Variants in ANO10 observed in about 807,000 individuals in gnomAD.
ANO10 encodes the protein anoctamin-10.
Under a neutral mutation model 74.7 loss-of-function variants are expected in ANO10, and 77 were observed. The ratio of observed to expected loss-of-function variants is 1.03; its 90% CI spans 0.86 to 1.25. The LOEUF (loss-of-function observed/expected upper bound fraction) is 1.25, where lower values mean the gene tolerates loss of function less well. Among genes scored for constraint, ANO10 ranks in the 50% most tolerant of loss-of-function variants. The pLI, the probability that ANO10 is intolerant of heterozygous loss-of-function variation, is 0.00. For missense variants in ANO10, 721 were observed against 778.1 expected (o/e 0.93, Z 0.87); for synonymous variants, 279 against 284.9 (o/e 0.98, Z 0.21).
At chr3:43,484,954 C>A in intron 11 of ANO10, 1 of 1,129,862 alleles carries the variant, frequency 8.9e-7, no homozygotes, top group Admixed American at 2.5e-5. Flanking sequence ...GGGGCCCACC[C>A]AGGCAAGGGC....
chr3:43,606,136 T>C lies in ANO10; in HGVS notation c.-11-273A>G, dbSNP rs75808456. 0.018 allele frequency among the ~76,000 whole-genome samples: 2,730 copies of C among 152,262 alleles called. 72 individuals carry two copies. The highest frequency in any genetic ancestry group is 0.061 in the African/African-American group (2,522 of 41,556). ...GTAAATGAAGGATAACGATGTAAAA[T>C]GTGCTCTCACACAAGCGGAATAAGA... On this transcript the variant is annotated intron_variant, in intron 1 of 12. Transcript: ENST00000292246.
intron 11 of ANO10, among the ~76,000 whole-genome samples, chr3:43,501,607 C>T (rs1486688036): frequency 2.0e-5 from 3 of 152,054 alleles, no homozygotes; most frequent in Non-Finnish European, 4.4e-5. Context: ...TTGAAAGAGG[C>T]CAAAACACAT....
intron 11 of ANO10, among the ~76,000 whole-genome samples, chr3:43,507,579 A>G (rs1241790964): frequency 2.0e-5 from 3 of 152,112 alleles, no homozygotes; most frequent in African/African-American, 4.8e-5. Flanking sequence ...GGGACAAAAA[A>G]AAAAGGAAAC....
At chr3:43,530,827 A>C (rs1387835218) in intron 11 of ANO10, among the ~76,000 whole-genome samples, 1 of 152,198 alleles carries the variant, frequency 6.6e-6, no homozygotes, top group East Asian at 1.9e-4. Context: ...TGCTTCAGGC[A>C]TCCACTGGGA....
intron 4 of ANO10, among the ~76,000 whole-genome samples, chr3:43,582,982 A>C (rs1575480778): frequency 6.6e-6 from 1 of 152,304 alleles, no homozygotes; most frequent in East Asian, 1.9e-4. Flanking sequence ...AAATTACTAC[A>C]TCAAGTTTTT....
At position 43,632,349 on chromosome 3, in the gene ANO10, G is replaced by T. The variant is rs985463337; in HGVS notation, c.-11-26486C>A. Among the ~76,000 whole-genome samples the T allele has an allele frequency of 7.9e-5, 12 of 152,338 alleles. 1 individual carries two copies. Among genetic ancestry groups the T allele is most frequent in the East Asian group, 7.7e-4 (4 of 5,176 alleles). ...GGAGACTAGAGAGAGGTAAGAGAGT[G>T]AGGTCAGAGTATTTGTTCCTTGGCT... On this transcript the variant is annotated intron_variant, in intron 1 of 3. Coordinates refer to the ANO10 transcript ENST00000413397.
At chr3:43,399,048 G>A (rs531770227) in intron 12 of ANO10, among the ~76,000 whole-genome samples, 4 of 152,276 alleles carry the variant, frequency 2.6e-5, no homozygotes, top group African/African-American at 4.8e-5. Flanking sequence ...GGCTGGTCTC[G>A]AACTTCTGGG....
chr3:43,480,979 A>ATAATTGTATAATAATACAACTAC (rs2076247377), intron 11 of ANO10, among the ~76,000 whole-genome samples: 1 of 150,326 alleles, frequency 6.7e-6, no homozygotes, highest in African/African-American at 2.4e-5. Flanking sequence ...TTATTGTATA[A>ATAATTGTATAATAATACAACTAC]TAATTGTATA....
At chr3:43,659,853 G>C (rs1235160208) in intron 1 of ANO10, among the ~76,000 whole-genome samples, 4 of 152,148 alleles carry the variant, frequency 2.6e-5, no homozygotes, top group Non-Finnish European at 5.9e-5. Context: ...CATACAACCA[G>C]ATGCCCCTCT....
intron 11 of ANO10, among the ~76,000 whole-genome samples, chr3:43,532,607 T>C (rs1248900179): frequency 6.6e-6 from 1 of 152,206 alleles, no homozygotes; most frequent in Non-Finnish European, 1.5e-5. Flanking sequence ...TGTATTGTTT[T>C]ATGAATTTTA....
At chr3:43,665,999 G>A (rs529135807) in intron 1 of ANO10, among the ~76,000 whole-genome samples, 4 of 152,182 alleles carry the variant, frequency 2.6e-5, no homozygotes, top group East Asian at 1.9e-4. Flanking sequence ...GCTACAGAAC[G>A]TGCAGATGAC....
chr3:43,384,596 C>A (rs1473749280), intron 12 of ANO10, among the ~76,000 whole-genome samples: 3 of 152,122 alleles, frequency 2.0e-5, no homozygotes, highest in African/African-American at 4.8e-5. Flanking sequence ...TCAAATAGAA[C>A]ACAGAATCCA....
rs1341623638 is a variant in ANO10 at position 43,576,911 on chromosome 3, A to G, written c.943T>C (p.Tyr315His). The change falls in exon 6 of 13, where the codon TAC becomes CAC. Residue 315 changes from tyrosine to histidine, a missense_variant. By Grantham distance (83) the Tyr-to-His change is moderately conservative. Coordinates refer to ENST00000292246, the MANE Select transcript of ANO10 (RefSeq NM_018075.5). ...YPSYKRQLRI[Y>H]LVSLPFVCLC... Reference sequence around the variant, plus strand: ...CACACGAATGGCAGGGAGACCAGGTAAATGCGCAACTGTCTCTTGTAGCTG... The same window carrying G: ...CACACGAATGGCAGGGAGACCAGGTGAATGCGCAACTGTCTCTTGTAGCTG... 6.2e-7 allele frequency: 1 copy of G among 1,614,186 alleles called. No homozygotes were observed. The highest frequency in any genetic ancestry group is 2.2e-5 in the East Asian group (1 of 44,884).
At chr3:43,612,394 C>T (rs1032754748) in intron 1 of ANO10, among the ~76,000 whole-genome samples, 22 of 151,962 alleles carry the variant, frequency 1.4e-4, no homozygotes, top group Admixed American at 3.3e-4. Context: ...ACTAAACATA[C>T]ACTTCTCCCC....
At chr3:43,482,929 G>C (rs1291786121) in intron 11 of ANO10, among the ~76,000 whole-genome samples, 2 of 152,190 alleles carry the variant, frequency 1.3e-5, no homozygotes, top group African/African-American at 4.8e-5. Context: ...TCAGCTGAGG[G>C]AGGAGGGCCA....
chr3:43,517,238 T>C (rs781205406), intron 11 of ANO10, among the ~76,000 whole-genome samples: 1 of 152,256 alleles, frequency 6.6e-6, no homozygotes, highest in Non-Finnish European at 1.5e-5. Flanking sequence ...CAAACATTTG[T>C]AACCTAAAGC....
Position 43,576,907 on chromosome 3 carries a change from A to G in ANO10, c.947T>C (p.Leu316Pro), listed in dbSNP as rs1408402640. The G allele has an allele frequency of 2.5e-6, 4 of 1,614,210 alleles. No individual in the cohort carries two copies. Among genetic ancestry groups the G allele is most frequent in the East Asian group, 2.2e-5 (1 of 44,886 alleles). ...PSYKRQLRIY[L>P]VSLPFVCLCL... is the part of the protein sequence containing the mutation. ...GAGGCACACGAATGGCAGGGAGACC[A>G]GGTAAATGCGCAACTGTCTCTTGTA... The change falls in exon 6 of 13, where the codon CTG becomes CCG. Residue 316 changes from leucine (L) to proline (P), a missense_variant. Physicochemically the swap from Leu to Pro is moderately conservative, Grantham distance 98 (BLOSUM62 -3). Coordinates refer to ENST00000292246, the MANE Select transcript of ANO10 (RefSeq NM_018075.5).
chr3:43,609,768 A>G (rs1430447266), intron 1 of ANO10, among the ~76,000 whole-genome samples: 1 of 152,206 alleles, frequency 6.6e-6, no homozygotes, highest in Middle Eastern at 3.2e-3. Flanking sequence ...ACACAATAAT[A>G]TGTATTTGTA....
At chr3:43,655,609 G>A (rs907356048) in intron 1 of ANO10, among the ~76,000 whole-genome samples, 4 of 152,096 alleles carry the variant, frequency 2.6e-5, no homozygotes, top group Non-Finnish European at 5.9e-5. Context: ...TGATTGGTGC[G>A]TTTACAATCC....
Sources: gnomAD v4.1 joint callset for allele counts (sites outside exome capture counted in the v4.1 genomes callset) on GRCh38, gnomAD v4.1.1 for gene constraint, MANE v1.5 for transcripts, NCBI Gene and HGNC (gene_info 2026-07-23, HGNC 2026-07-21) for gene names.